ACVR1C: variants seen among roughly 807,000 people sequenced by gnomAD.
The protein encoded by ACVR1C is activin A receptor type 1C.
ACVR1C carries 23 observed loss-of-function variants against 57.9 expected under a neutral mutation model. That is an observed-to-expected ratio of 0.40 (90% CI 0.29 to 0.56). The LOEUF (loss-of-function observed/expected upper bound fraction) is 0.56. Ranked by LOEUF, ACVR1C falls within the 20% of genes least tolerant of loss-of-function variation. ACVR1C has a pLI of 0.50. For synonymous variants in ACVR1C, 214 were observed against 215.3 expected (o/e 0.99, Z 0.05); for missense variants, 480 against 607.9 (o/e 0.79, Z 2.21).
chr2:157,566,013 T>C (rs1688362596), intron 2 of ACVR1C, among the ~76,000 whole-genome samples: 2 of 152,208 alleles, frequency 1.3e-5, no homozygotes, highest in South Asian at 4.1e-4. Context: ...GTAAGCAGAA[T>C]ATAAATAAGT....
chr2:157,597,019 G>A (rs778589538), intron 1 of ACVR1C, among the ~76,000 whole-genome samples: 9 of 152,096 alleles, frequency 5.9e-5, no homozygotes, highest in Non-Finnish European at 1.2e-4. Context: ...GACGGGGCAG[G>A]GGCGGGAAGG....
chr2:157,605,924 A>G (rs1051873680), intron 1 of ACVR1C, among the ~76,000 whole-genome samples: 1 of 151,540 alleles, frequency 6.6e-6, no homozygotes, highest in South Asian at 2.1e-4. Context: ...GTTTGCACCC[A>G]TTAACAAACC....
chr2:157,537,705 A>T (rs1687523035), intron 8 of ACVR1C, among the ~76,000 whole-genome samples: 1 of 152,198 alleles, frequency 6.6e-6, no homozygotes. Context: ...AAAAATAGAC[A>T]GCAATAACTG....
At position 157,579,489 on chromosome 2, in the gene ACVR1C, G is replaced by T. The variant is rs1247682976; in HGVS notation, c.304+7698C>A. On this transcript the variant is annotated intron_variant, in intron 2 of 8. Coordinates refer to ENST00000243349, the MANE Select transcript of ACVR1C (RefSeq NM_145259.3). ...TTTTCTTCTGTGCTTGTTTAAATCT[G>T]CTAGGTCACTTTTTAATGGTTTCCT... is the stretch of plus-strand genomic sequence containing the variant. Among the ~76,000 whole-genome samples the T allele has an allele frequency of 3.9e-5, 6 of 152,156 alleles. No individual in the cohort carries two copies. The South Asian group carries it at 8.3e-4, about 21-fold the overall frequency.
chr2:157,597,168 T>C (rs955418016), intron 1 of ACVR1C, among the ~76,000 whole-genome samples: 1 of 152,090 alleles, frequency 6.6e-6, no homozygotes, highest in Non-Finnish European at 1.5e-5. Flanking sequence ...GCGGCAGTCC[T>C]CCCTCACCAG....
chr2:157,551,964 C>A (rs1687934620), intron 3 of ACVR1C, among the ~76,000 whole-genome samples: 1 of 152,160 alleles, frequency 6.6e-6, no homozygotes, highest in South Asian at 2.1e-4. Flanking sequence ...CTGGTTCAAC[C>A]CTATCATTTT....
chr2:157,550,369 T>C lies in ACVR1C; in HGVS notation c.568A>G (p.Thr190Ala). The change falls in exon 4 of 9, where the codon ACA (threonine) becomes GCA (alanine). Residue 190 changes from threonine (T) to alanine (A), a missense_variant. Transcript: ENST00000243349. ...GSGLPLLVQRTIARTIVLQEI... is the reference protein window; with the variant it reads ...GSGLPLLVQRAIARTIVLQEI... ...TGAAGCACAATCGTCCTTGCAATTG[T>C]CCTTTGAACCAACAGAGGTAGACCT... The C allele has an allele frequency of 6.2e-7, 1 of 1,614,156 alleles. No individual in the cohort carries two copies. Among genetic ancestry groups the C allele is most frequent in the Non-Finnish European group, 8.5e-7 (1 of 1,180,020 alleles).
chr2:157,600,148 G>A (rs1467778615), intron 1 of ACVR1C, among the ~76,000 whole-genome samples: 1 of 152,146 alleles, frequency 6.6e-6, no homozygotes, highest in East Asian at 1.9e-4. Context: ...AAACTGTTCA[G>A]GAGAATCATG....
At chr2:157,566,392 A>G (rs1333626652) in intron 2 of ACVR1C, among the ~76,000 whole-genome samples, 1 of 152,228 alleles carries the variant, frequency 6.6e-6, no homozygotes, top group African/African-American at 2.4e-5. Context: ...TCCGGTCTAT[A>G]GCTCCCAGCG....
In ACVR1C at chr2:157,587,405, A is replaced by G. The variant is rs1285798844; in HGVS notation, c.86T>C (p.Val29Ala). Reference sequence around the variant, plus strand: ...GTTTGAAGAATCACACAAAAGACATACACACTTCAGTCCTGGAAAGAGTAA... The same window carrying G: ...GTTTGAAGAATCACACAAAAGACATGCACACTTCAGTCCTGGAAAGAGTAA... ...AAELSPGLKC[V>A]CLLCDSSNFT... Residue 29 changes from valine (V) to alanine (A), a missense_variant, in exon 2 of 9, where the codon GTA (valine) becomes GCA (alanine). Transcript: ENST00000243349. 6.2e-7 allele frequency: 1 copy of G among 1,612,326 alleles called. No individual in the cohort carries two copies. Among genetic ancestry groups the G allele is most frequent in the Non-Finnish European group, 8.5e-7 (1 of 1,178,488 alleles).
At chr2:157,556,627 A>G (rs1007226970) in intron 2 of ACVR1C, among the ~76,000 whole-genome samples, 2 of 146,706 alleles carry the variant, frequency 1.4e-5, no homozygotes, top group African/African-American at 5.1e-5. Flanking sequence ...TTTTCTGTCT[A>G]CTATTTTCCC....
In ACVR1C at chr2:157,588,848, CATATATAT is replaced by C. The variant is rs71402394; in HGVS notation, c.74-1439_74-1432del. ...TACACAAATACATACACAAACACAC[CATATATAT>C]ATATATATATATATATATATATACG... On this transcript the variant is annotated intron_variant, in intron 1 of 8. Coordinates refer to ENST00000243349, the MANE Select transcript of ACVR1C (RefSeq NM_145259.3). Among the ~76,000 whole-genome samples the C allele has an allele frequency of 3.5e-3, 312 of 89,088 alleles. 7 individuals are homozygous for C. The highest frequency in any genetic ancestry group is 0.01 in the African/African-American group (264 of 25,914). The allele number at this position is 89,088 out of a possible 152,430, so 58.4% of individuals were successfully genotyped here.
intron 1 of ACVR1C, among the ~76,000 whole-genome samples, chr2:157,628,308 T>C (rs924880716): frequency 6.6e-6 from 1 of 152,054 alleles, no homozygotes; most frequent in Non-Finnish European, 1.5e-5. Context: ...TCACCCCTAC[T>C]ACTTATTCCC....
At chr2:157,606,801 CT>C (rs1465786494) in intron 1 of ACVR1C, among the ~76,000 whole-genome samples, 2 of 151,602 alleles carry the variant, frequency 1.3e-5, no homozygotes, top group Non-Finnish European at 3.0e-5. Context: ...TATACAGAAA[CT>C]TTTTTTAGTT....
chr2:157,549,928 G>T (rs1377145069), intron 4 of ACVR1C, among the ~76,000 whole-genome samples: 2 of 149,138 alleles, frequency 1.3e-5, no homozygotes, highest in Non-Finnish European at 3.0e-5. Flanking sequence ...GCATGAACCC[G>T]GGAGGCAGAG....
intron 4 of ACVR1C, among the ~76,000 whole-genome samples, chr2:157,549,829 C>CAAAA (rs1173469291): frequency 1.9e-4 from 9 of 47,536 alleles, no homozygotes; most frequent in East Asian, 4.1e-4. Context: ...ACTAAAAATA[C>CAAAA]AAAAAAAAAA....
At chr2:157,574,180 G>C (rs1025425879) in intron 2 of ACVR1C, among the ~76,000 whole-genome samples, 1 of 152,172 alleles carries the variant, frequency 6.6e-6, no homozygotes, top group Non-Finnish European at 1.5e-5. Flanking sequence ...CATACACTGG[G>C]TAACTTATAA....
chr2:157,545,090 T>C (rs778404492), intron 4 of ACVR1C, among the ~76,000 whole-genome samples: 3 of 152,212 alleles, frequency 2.0e-5, no homozygotes, highest in Non-Finnish European at 4.4e-5. Flanking sequence ...GTTATTCACC[T>C]TTCAAAATAT....
chr2:157,581,153 T>C (rs2105250712), intron 2 of ACVR1C, among the ~76,000 whole-genome samples: 1 of 152,154 alleles, frequency 6.6e-6, no homozygotes, highest in South Asian at 2.1e-4. Context: ...AAATTTTAAA[T>C]ACGGGCTTCA....
Sources: allele counts gnomAD v4.1 joint callset (sites outside exome capture counted in the v4.1 genomes callset), GRCh38; gene constraint gnomAD v4.1.1; transcripts MANE v1.5; gene names NCBI Gene and HGNC (gene_info 2026-07-23, HGNC 2026-07-21).